FUT8: variants seen among roughly 807,000 people sequenced by gnomAD.
FUT8 encodes the protein fucosyltransferase 8.
Under a neutral mutation model 71.3 loss-of-function variants are expected in FUT8, and 29 were observed. The observed-to-expected ratio is 0.41, with a 90% CI of 0.30 to 0.55. FUT8 has a LOEUF of 0.55. FUT8 is among the 20% of genes least tolerant of loss of function. The pLI is 0.34. For synonymous variants in FUT8, 254 were observed against 239.3 expected, an observed-to-expected ratio of 1.06 and a Z score of -0.57; for missense variants, 544 against 702.1, an observed-to-expected ratio of 0.77 and a Z score of 2.55.
chr14:65,450,133 G>A (rs1230897317), intron 1 of FUT8, among the ~76,000 whole-genome samples: 1 of 152,278 alleles, frequency 6.6e-6, no homozygotes, highest in East Asian at 1.9e-4. Flanking sequence ...CTTTGAAGAT[G>A]AGACTCAATG....
At chr14:65,402,196 ATTTTT>A in the FUT8 span, among the ~76,000 whole-genome samples, 633 of 75,842 alleles carry the variant, frequency 8.3e-3, 6 homozygotes, top group Non-Finnish European at 0.011. Context: ...ATGGAGTGTG[ATTTTT>A]TTTTTTTTTT....
At chr14:65,725,639 C>A (rs997039069) in intron 9 of FUT8, among the ~76,000 whole-genome samples, 58 of 152,302 alleles carry the variant, frequency 3.8e-4, no homozygotes, top group African/African-American at 1.3e-3. Context: ...TTAGCACTTG[C>A]TTACTTCTGT....
intron 3 of FUT8, among the ~76,000 whole-genome samples, chr14:65,588,377 T>C (rs1262834904): frequency 1.3e-5 from 2 of 152,204 alleles, no homozygotes; most frequent in Non-Finnish European, 2.9e-5. Context: ...TTCTTAATTA[T>C]ACCAGGCATT....
intron 7 of FUT8, among the ~76,000 whole-genome samples, chr14:65,706,126 G>A (rs1341735080): frequency 6.6e-6 from 1 of 152,134 alleles, no homozygotes; most frequent in African/African-American, 2.4e-5. Context: ...TAATGAGTAA[G>A]ATACTATTAT....
chr14:65,456,316 T>C (rs1478093276), intron 2 of FUT8, among the ~76,000 whole-genome samples: 1 of 152,224 alleles, frequency 6.6e-6, no homozygotes, highest in Admixed American at 6.5e-5. Flanking sequence ...TCCAATGTTA[T>C]TTAATTGGAA....
At position 65,588,961 on chromosome 14, in the gene FUT8, T is replaced by C. The variant is rs187872815; in HGVS notation, c.204-27017T>C. 1.8e-4 allele frequency among the ~76,000 whole-genome samples: 27 copies of C among 152,346 alleles called. No individual in the cohort carries two copies. In the East Asian group the frequency reaches 2.7e-3, roughly 15 times the overall value. On this transcript the variant is annotated intron_variant, in intron 3 of 10. Transcript: ENST00000673929. ...ATCCCCACAAATAAGAGGGAACTAC[T>C]ATGTCACATTTTCCTTTTCTTTCTC... is the stretch of plus-strand genomic sequence containing the variant.
the FUT8 span, among the ~76,000 whole-genome samples, chr14:65,401,958 G>A: frequency 2.0e-5 from 3 of 150,374 alleles, no homozygotes; most frequent in Non-Finnish European, 4.4e-5. Context: ...GAAAAGGAAT[G>A]CCATGGGGAA....
At chr14:65,462,802 A>G (rs1010658238) in intron 2 of FUT8, among the ~76,000 whole-genome samples, 12 of 152,234 alleles carry the variant, frequency 7.9e-5, no homozygotes, top group African/African-American at 2.4e-4. Flanking sequence ...CTACATATTG[A>G]TGATAAGTAT....
intron 3 of FUT8, among the ~76,000 whole-genome samples, chr14:65,597,624 A>G (rs911114085): frequency 5.3e-5 from 8 of 150,352 alleles, no homozygotes; most frequent in Non-Finnish European, 1.2e-4. Context: ...CTCTGTCTAA[A>G]AAAAAAAAAA....
chr14:65,612,740 A>AT (rs1889064919), intron 3 of FUT8, among the ~76,000 whole-genome samples: 1 of 152,120 alleles, frequency 6.6e-6, no homozygotes, highest in African/African-American at 2.4e-5. Flanking sequence ...GGCTATCATC[A>AT]TTTGTTTTCC....
intron 3 of FUT8, among the ~76,000 whole-genome samples, chr14:65,584,200 CAG>C (rs1887251729): frequency 2.2e-5 from 3 of 135,876 alleles, no homozygotes; most frequent in African/African-American, 5.5e-5. Context: ...TTTTTTGAGA[CAG>C]AGTTTCACTC....
At chr14:65,679,741 C>T (rs1158216034) in intron 7 of FUT8, among the ~76,000 whole-genome samples, 1 of 152,168 alleles carries the variant, frequency 6.6e-6, no homozygotes, top group Non-Finnish European at 1.5e-5. Context: ...ATTATTTTTA[C>T]TGCCCATATT....
chr14:65,543,162 C>T (rs1884781533), intron 2 of FUT8, among the ~76,000 whole-genome samples: 1 of 152,152 alleles, frequency 6.6e-6, no homozygotes, highest in African/African-American at 2.4e-5. Flanking sequence ...TGCAGCTTAT[C>T]AAGAGTTGAT....
At chr14:65,400,643 TG>T in the FUT8 span, among the ~76,000 whole-genome samples, 1 of 152,126 alleles carries the variant, frequency 6.6e-6, no homozygotes, top group Non-Finnish European at 1.5e-5. Flanking sequence ...CCCAGCACTT[TG>T]GGAGGTTTGG....
intron 3 of FUT8, among the ~76,000 whole-genome samples, chr14:65,581,799 C>T (rs909017770): frequency 2.0e-5 from 3 of 151,534 alleles, no homozygotes; most frequent in Non-Finnish European, 2.9e-5. Flanking sequence ...TTTGTTCTAC[C>T]CATAATTTTC....
At chr14:65,448,439 C>T (rs2065775374) in intron 1 of FUT8, among the ~76,000 whole-genome samples, 1 of 152,028 alleles carries the variant, frequency 6.6e-6, no homozygotes. Context: ...TAATCATAGA[C>T]AATAATAAAA....
Position 65,742,142 on chromosome 14 carries a change from C to T in FUT8, c.1460C>T (p.Ser487Phe). The change falls in exon 11 of 11, where the codon TCT becomes TTT. Residue 487 changes from serine (S) to phenylalanine (F), a missense_variant. Ser to Phe is a radical substitution (Grantham distance 155). Coordinates refer to ENST00000673929, the MANE Select transcript of FUT8 (RefSeq NM_001371533.1). ...ATGCAAACACTACATCCTGATGCCTCTGCAAACTTCCATTCTTTAGATGAC... is the reference window on the plus strand; with the variant it reads ...ATGCAAACACTACATCCTGATGCCTTTGCAAACTTCCATTCTTTAGATGAC... ...EIMQTLHPDA[S>F]ANFHSLDDIY... 6.2e-7 allele frequency: 1 copy of T among 1,613,120 alleles called. No homozygotes were observed. Among genetic ancestry groups the T allele is most frequent in the Non-Finnish European group, 8.5e-7 (1 of 1,179,364 alleles).
chr14:65,629,691 A>G (rs1890075893), intron 6 of FUT8, 85 bp downstream of exon 6: 1 of 932,442 alleles, frequency 1.1e-6, no homozygotes, highest in Admixed American at 2.0e-5. Flanking sequence ...AGTTGTTTTT[A>G]GTCTTCCTGG....
intron 7 of FUT8, among the ~76,000 whole-genome samples, chr14:65,719,011 A>T (rs1895268154): frequency 6.6e-6 from 1 of 152,166 alleles, no homozygotes; most frequent in African/African-American, 2.4e-5. Context: ...TTTGTCTAGA[A>T]TTCGGATGTT....
Sources: allele counts gnomAD v4.1 joint callset (sites outside exome capture counted in the v4.1 genomes callset), GRCh38; gene constraint gnomAD v4.1.1; transcripts MANE v1.5; gene names NCBI Gene and HGNC (gene_info 2026-07-23, HGNC 2026-07-21).